Variants in DNAI4 observed in about 807,000 individuals in gnomAD.
DNAI4 encodes the protein dynein axonemal intermediate chain 4.
A neutral mutation model predicts 105.8 loss-of-function variants in DNAI4; 85 were observed. The ratio of observed to expected loss-of-function variants is 0.80; its 90% CI spans 0.67 to 0.96. DNAI4 has a LOEUF of 0.96. Ranked by LOEUF, DNAI4 falls within the 40% of genes least tolerant of loss-of-function variation. The pLI, the probability that DNAI4 is intolerant of heterozygous loss-of-function variation, is 0.00. For synonymous variants in DNAI4, 352 were observed against 331.5 expected, an observed-to-expected ratio of 1.06 and a Z score of -0.67; for missense variants, 1,014 against 1,005.6, an observed-to-expected ratio of 1.01 and a Z score of -0.11.
intron 16 of DNAI4, among the ~76,000 whole-genome samples, chr1:66,814,408 C>CA (rs1267466363): frequency 5.3e-5 from 8 of 151,860 alleles, no homozygotes; most frequent in Admixed American, 1.3e-4. Context: ...CTTGCTCTGT[C>CA]GCCAGGCTGG....
At chr1:66,902,501 T>C (rs1233197403) in intron 2 of DNAI4, among the ~76,000 whole-genome samples, 1 of 152,190 alleles carries the variant, frequency 6.6e-6, no homozygotes, top group African/African-American at 2.4e-5. Flanking sequence ...TGTACCATCC[T>C]GTGGGTTGTT....
chr1:66,924,769 G>GTA lies in DNAI4; in HGVS notation c.61_62dup (p.Arg22ThrfsTer37), dbSNP rs1249989466. On this transcript the variant is annotated frameshift_variant, in exon 1 of 17. Coordinates refer to ENST00000371026, the MANE Select transcript of DNAI4 (RefSeq NM_024763.5). LOFTEE classifies it high-confidence loss of function. ...TTTTTTGGCCGCCTCTGAAGTCCCT[G>GTA]TACCCCCAAGCTCCTCCGTTAGCGG... is the stretch of plus-strand genomic sequence containing the variant. The GTA allele has an allele frequency of 1.2e-6, 2 of 1,614,178 alleles. No homozygotes were observed. The highest frequency in any genetic ancestry group is 1.7e-6 in the Non-Finnish European group (2 of 1,180,040).
rs567816902 is a variant in DNAI4, at chr1:66,864,757, C to T, written c.941-2455G>A. Among the ~76,000 whole-genome samples the T allele has an allele frequency of 1.2e-4, 18 of 152,306 alleles. No individual in the cohort carries two copies. In the South Asian group the frequency reaches 3.7e-3, roughly 32 times the overall value. On this transcript the variant is annotated intron_variant, in intron 6 of 16. Transcript: ENST00000371026. ...TCCGGAGGCTGAGGCAGGAGAATCG[C>T]TTGAACCCAGGAGGAGACAGTTGCA...
At chr1:66,822,130 G>A (rs1645641708) in intron 16 of DNAI4, among the ~76,000 whole-genome samples, 1 of 151,016 alleles carries the variant, frequency 6.6e-6, no homozygotes, top group Non-Finnish European at 1.5e-5. Context: ...CAATTATTTT[G>A]CTCACCAACA....
chr1:66,855,687 C>A (rs1450510864), intron 7 of DNAI4, among the ~76,000 whole-genome samples: 1 of 151,984 alleles, frequency 6.6e-6, no homozygotes, highest in South Asian at 2.1e-4. Context: ...GCTTATGGTG[C>A]AAAAAACAAG....
At chr1:66,862,331 T>G (rs761920889) in intron 6 of DNAI4, 29 bp from the exon 7 acceptor site, 4 of 1,590,986 alleles carry the variant, frequency 2.5e-6, no homozygotes, top group Non-Finnish European at 3.4e-6. Flanking sequence ...AGGTAAAAAT[T>G]GTTTTAAACC....
intron 7 of DNAI4, among the ~76,000 whole-genome samples, chr1:66,849,371 C>T (rs924345303): frequency 6.6e-6 from 1 of 152,184 alleles, no homozygotes; most frequent in African/African-American, 2.4e-5. Context: ...ATATAGACTT[C>T]TACTCCCGCC....
At chr1:66,843,102 A>C (rs1307926511) in intron 8 of DNAI4, among the ~76,000 whole-genome samples, 4 of 149,794 alleles carry the variant, frequency 2.7e-5, no homozygotes, top group African/African-American at 9.8e-5. Context: ...CGGGAGGCTG[A>C]GGCAGGAGGA....
At chr1:66,862,398 A>G (rs1646646562) in intron 6 of DNAI4, 96 bp from the exon 7 acceptor site, 1 of 1,300,794 alleles carries the variant, frequency 7.7e-7, no homozygotes, top group African/African-American at 1.5e-5. Context: ...TAAGATAAGA[A>G]TATCTACTAT....
intron 7 of DNAI4, among the ~76,000 whole-genome samples, chr1:66,858,550 AT>A (rs1374307932): frequency 1.2e-4 from 18 of 148,754 alleles, no homozygotes; most frequent in Admixed American, 2.7e-4. Context: ...AAAAAAAAAA[AT>A]GCAAAAATCC....
intron 7 of DNAI4, among the ~76,000 whole-genome samples, chr1:66,859,898 A>G (rs996754192): frequency 6.6e-6 from 1 of 152,212 alleles, no homozygotes. Context: ...TGGTAGAAAC[A>G]TGCCGTTATG....
intron 5 of DNAI4, among the ~76,000 whole-genome samples, chr1:66,873,724 A>G (rs1472235611): frequency 1.3e-5 from 2 of 152,170 alleles, no homozygotes; most frequent in Non-Finnish European, 2.9e-5. Context: ...TTTCAGTGTA[A>G]GGGTTGGGAG....
At chr1:66,893,034 GGA>G (rs1647882335) in intron 3 of DNAI4, among the ~76,000 whole-genome samples, 193 bp downstream of exon 3, 1 of 91,140 alleles carries the variant, frequency 1.1e-5, no homozygotes, top group African/African-American at 4.8e-5. Context: ...AAGAAAGAGA[GGA>G]AAGAAAGAAA....
chr1:66,844,101 A>AAAAAC (rs1553215041), intron 8 of DNAI4, among the ~76,000 whole-genome samples: 2 of 149,236 alleles, frequency 1.3e-5, no homozygotes, highest in Non-Finnish European at 3.0e-5. Context: ...AAAAAAAAAA[A>AAAAAC]AAAAAACTTT....
At chr1:66,905,902 C>T (rs1649206089) in intron 1 of DNAI4, among the ~76,000 whole-genome samples, 1 of 150,898 alleles carries the variant, frequency 6.6e-6, no homozygotes, top group Non-Finnish European at 1.5e-5. Context: ...CGTGTTCCTT[C>T]CTGAATTATA....
chr1:66,898,605 C>T (rs192490908), intron 2 of DNAI4, among the ~76,000 whole-genome samples: 77 of 152,268 alleles, frequency 5.1e-4, no homozygotes, highest in Non-Finnish European at 8.5e-4. Flanking sequence ...ACCTGCTCTA[C>T]TCCAGGACCC....
intron 16 of DNAI4, among the ~76,000 whole-genome samples, chr1:66,820,614 T>A (rs899961876): frequency 2.0e-5 from 3 of 151,950 alleles, no homozygotes; most frequent in Non-Finnish European, 1.5e-5. Flanking sequence ...TATTCAAAGG[T>A]GGTAAATGTT....
intron 7 of DNAI4, among the ~76,000 whole-genome samples, chr1:66,851,367 A>C (rs899736781): frequency 1.3e-5 from 2 of 151,924 alleles, no homozygotes; most frequent in South Asian, 2.1e-4. Flanking sequence ...AAAGAGAAAT[A>C]ATGGTTATAT....
intron 2 of DNAI4, 84 bp from the exon 3 acceptor site, chr1:66,893,497 T>A: frequency 9.8e-7 from 1 of 1,022,914 alleles, no homozygotes; most frequent in Non-Finnish European, 1.4e-6. Context: ...GAAACAAATA[T>A]GGTAGAAAAA....
Sources: gnomAD v4.1 joint callset for allele counts (sites outside exome capture counted in the v4.1 genomes callset) on GRCh38, gnomAD v4.1.1 for gene constraint, MANE v1.5 for transcripts, NCBI Gene and HGNC (gene_info 2026-07-23, HGNC 2026-07-21) for gene names.